Variants in CLDN14 observed in about 807,000 individuals in gnomAD.
CLDN14 encodes the protein claudin 14, also known as claudin-14.
In CLDN14, 2 loss-of-function variants were observed where a neutral mutation model predicts 2.1. That is an observed-to-expected ratio of 0.96 (90% CI 0.39 to 3.01). The LOEUF is 3.01. Ranked by LOEUF, CLDN14 falls within the 30% of genes most tolerant of loss-of-function variation. CLDN14 has a pLI of 0.09. For missense variants in CLDN14, 298 were observed against 328.0 expected (o/e 0.91, Z 0.71); for synonymous variants, 136 against 154.4 (o/e 0.88, Z 0.88).
chr21:36,486,950 C>A (rs1008639367), intron 2 of CLDN14: 2 of 511,162 alleles, frequency 3.9e-6, no homozygotes, highest in African/African-American at 3.9e-5. Context: ...GTGATGAGGG[C>A]CATGTTGTTC....
intron 1 of CLDN14, among the ~76,000 whole-genome samples, chr21:36,470,350 A>T (rs1568844897): frequency 6.6e-6 from 1 of 152,254 alleles, no homozygotes; most frequent in Non-Finnish European, 1.5e-5. Context: ...GAGGATGGGC[A>T]TATGAAGACG....
chr21:36,485,606 C>T (rs533483709), intron 2 of CLDN14, among the ~76,000 whole-genome samples: 13 of 152,322 alleles, frequency 8.5e-5, no homozygotes, highest in South Asian at 8.3e-4. Flanking sequence ...CACTAGTGAT[C>T]GCAGCAGTCA....
chr21:36,537,498 A>AT (rs1472741032), intron 1 of CLDN14, among the ~76,000 whole-genome samples: 3 of 152,196 alleles, frequency 2.0e-5, no homozygotes, highest in East Asian at 3.9e-4. Flanking sequence ...GCTAGAGTTA[A>AT]TTTTTTTAAA....
chr21:36,568,898 C>T (rs1227726951), intron 1 of CLDN14, among the ~76,000 whole-genome samples: 2 of 152,216 alleles, frequency 1.3e-5, no homozygotes, highest in East Asian at 1.9e-4. Flanking sequence ...AACCCATCAA[C>T]TTATTTGATT....
intron 1 of CLDN14, among the ~76,000 whole-genome samples, chr21:36,575,984 C>A (rs2087738841): frequency 6.6e-6 from 1 of 152,180 alleles, no homozygotes; most frequent in Non-Finnish European, 1.5e-5. Context: ...CTTTGGAAAT[C>A]GATCTTGCTA....
intron 1 of CLDN14, among the ~76,000 whole-genome samples, chr21:36,466,773 A>G (rs982590872): frequency 6.6e-6 from 1 of 152,220 alleles, no homozygotes; most frequent in Non-Finnish European, 1.5e-5. Flanking sequence ...TCAAAAGTCC[A>G]AGTCCAAAGT....
chr21:36,483,948 C>T (rs955997972), upstream of CLDN14, among the ~76,000 whole-genome samples: 1 of 152,196 alleles, frequency 6.6e-6, no homozygotes, highest in African/African-American at 2.4e-5. Context: ...CCTTCTGAGC[C>T]TCTCTTGCCC....
At chr21:36,476,267 T>TG (rs1055512164) in intron 1 of CLDN14, among the ~76,000 whole-genome samples, 19 of 152,012 alleles carry the variant, frequency 1.2e-4, no homozygotes, top group Admixed American at 7.9e-4. Context: ...AAAAAGTGGT[T>TG]GGGGGGGTGG....
At chr21:36,561,365 G>T (rs948627799) in intron 1 of CLDN14, among the ~76,000 whole-genome samples, 1 of 152,122 alleles carries the variant, frequency 6.6e-6, no homozygotes, top group Non-Finnish European at 1.5e-5. Flanking sequence ...ATTTTTTCTT[G>T]ACCTGTTAGG....
intron 1 of CLDN14, among the ~76,000 whole-genome samples, chr21:36,517,170 A>G (rs1786810811): frequency 6.6e-6 from 1 of 152,242 alleles, no homozygotes; most frequent in Non-Finnish European, 1.5e-5. Context: ...GTTAAAAAAA[A>G]TTAAAAGAAG....
intron 1 of CLDN14, among the ~76,000 whole-genome samples, chr21:36,571,044 G>A (rs978252271): frequency 1.3e-5 from 2 of 152,178 alleles, no homozygotes; most frequent in African/African-American, 2.4e-5. Flanking sequence ...GTTTCACCAT[G>A]TTGGTCAGGC....
rs139715867 is a variant in CLDN14 at position 36,543,931 on chromosome 21, G to A, written c.-220+32480C>T. ...GTTGATTCCTAAAGTGGGAGAGAGCGTGCATGATGATAGGGACTGTTTACT... is the reference window on the plus strand; with the variant it reads ...GTTGATTCCTAAAGTGGGAGAGAGCATGCATGATGATAGGGACTGTTTACT... On this transcript the variant is annotated intron_variant, in intron 1 of 2. Coordinates refer to the CLDN14 transcript ENST00000342108. 6.8e-4 allele frequency among the ~76,000 whole-genome samples: 104 copies of A among 152,344 alleles called. 2 individuals carry two copies. The highest frequency in any genetic ancestry group is 3.1e-3 in the East Asian group (16 of 5,190).
chr21:36,524,114 AT>A (rs34810928), intron 1 of CLDN14, among the ~76,000 whole-genome samples: 71,920 of 146,802 alleles, frequency 0.49, 19,175 homozygotes, highest in Middle Eastern at 0.63. Flanking sequence ...TCTGGCTAAG[AT>A]TTTTTTTTTT....
intron 1 of CLDN14, among the ~76,000 whole-genome samples, chr21:36,531,289 A>ATTT: frequency 6.7e-6 from 1 of 149,784 alleles, no homozygotes; most frequent in African/African-American, 2.5e-5. Flanking sequence ...TTTGCTATAA[A>ATTT]TGTTTTTTTT....
chr21:36,573,161 C>T (rs922636504), intron 1 of CLDN14, among the ~76,000 whole-genome samples: 39 of 151,904 alleles, frequency 2.6e-4, no homozygotes, highest in African/African-American at 7.5e-4. Flanking sequence ...ATTAGCCAGG[C>T]GTGGTGGTGG....
At chr21:36,485,639 G>A (rs546907080) in intron 2 of CLDN14, among the ~76,000 whole-genome samples, 4 of 152,282 alleles carry the variant, frequency 2.6e-5, no homozygotes, top group African/African-American at 4.8e-5. Context: ...AATACAGAGC[G>A]AAAGCAAGGT....
chr21:36,507,362 G>A (rs2087142502), intron 2 of CLDN14, among the ~76,000 whole-genome samples: 1 of 152,150 alleles, frequency 6.6e-6, no homozygotes, highest in Admixed American at 6.5e-5. Context: ...AGGCTTCCAG[G>A]GATTGTGGCC....
intron 1 of CLDN14, among the ~76,000 whole-genome samples, chr21:36,524,842 G>T (rs1002714757): frequency 6.6e-6 from 1 of 152,200 alleles, no homozygotes; most frequent in Non-Finnish European, 1.5e-5. Context: ...CTGCACCCAG[G>T]TGACATCAGA....
At chr21:36,562,937 T>A (rs1057163926) in intron 1 of CLDN14, among the ~76,000 whole-genome samples, 4 of 152,198 alleles carry the variant, frequency 2.6e-5, no homozygotes, top group African/African-American at 9.7e-5. Flanking sequence ...TAATATGGCA[T>A]GATTTCGAAG....
Sources: allele counts gnomAD v4.1 joint callset (sites outside exome capture counted in the v4.1 genomes callset), GRCh38; gene constraint gnomAD v4.1.1; transcripts MANE v1.5; gene names NCBI Gene and HGNC (gene_info 2026-07-23, HGNC 2026-07-21).